TUBGCP3: variants seen among roughly 807,000 people sequenced by gnomAD.
TUBGCP3 encodes the protein tubulin gamma complex component 3.
TUBGCP3 carries 50 observed loss-of-function variants against 123.1 expected under a neutral mutation model. The observed-to-expected ratio is 0.41, with a 90% CI of 0.32 to 0.51. TUBGCP3 has a LOEUF of 0.51. Among genes scored for constraint, TUBGCP3 ranks in the 20% least tolerant of loss-of-function variants. The probability of loss-of-function intolerance (pLI) is 0.36; values close to 1 mark genes in which losing one functional copy is unlikely to be tolerated. For synonymous variants in TUBGCP3, 405 were observed against 413.9 expected (o/e 0.98, Z 0.26); for missense variants, 882 against 1,127.0 (o/e 0.78, Z 3.11).
Position 112,485,988 on chromosome 13 carries a change from G to A in TUBGCP3, c.*5C>T, listed in dbSNP as rs375533236. ...ACCCGCAGCTCCCTGGGAGGACCGCGAGCTTCACGTGTGGGAGCTGCGCCG... is the reference window on the plus strand; with the variant it reads ...ACCCGCAGCTCCCTGGGAGGACCGCAAGCTTCACGTGTGGGAGCTGCGCCG... On this transcript the variant is annotated 3_prime_UTR_variant, in exon 22 of 22. Transcript: ENST00000261965. 5.2e-5 allele frequency: 82 copies of A among 1,583,086 alleles called. No homozygotes were observed. The highest frequency in any genetic ancestry group is 7.0e-5 in the Admixed American group (4 of 56,804).
At position 112,569,138 on chromosome 13, in the gene TUBGCP3, A is replaced by G. The variant is rs1490471434; in HGVS notation, c.184+14T>C. 1 of 1,613,498 alleles carries G rather than the reference A, an allele frequency of 6.2e-7. No homozygotes were observed. The highest frequency in any genetic ancestry group is 1.7e-5 in the Admixed American group (1 of 60,008). On this transcript the variant is annotated intron_variant, in intron 2 of 21. Transcript: ENST00000261965. ...TTAAGAATCCAACACATGACATTTA[A>G]GAAAAATACGTACGCTCTTTCTTGA... is the stretch of plus-strand genomic sequence containing the variant.
At chr13:112,572,678 C>T (rs1412629223) in intron 1 of TUBGCP3, among the ~76,000 whole-genome samples, 1 of 152,178 alleles carries the variant, frequency 6.6e-6, no homozygotes, top group Non-Finnish European at 1.5e-5. Flanking sequence ...TCAGAACATA[C>T]ACAACACTTT....
At chr13:112,567,289 T>C (rs1881024738) in intron 2 of TUBGCP3, among the ~76,000 whole-genome samples, 1 of 152,280 alleles carries the variant, frequency 6.6e-6, no homozygotes, top group African/African-American at 2.4e-5. Flanking sequence ...GAATATCCAC[T>C]GCAACAAAGT....
intron 21 of TUBGCP3, among the ~76,000 whole-genome samples, chr13:112,487,049 GTGTA>G (rs1452197700): frequency 1.2e-4 from 11 of 88,872 alleles, no homozygotes; most frequent in African/African-American, 4.1e-4. Context: ...GGCAAACACT[GTGTA>G]TGTGTGTGTG....
intron 3 of TUBGCP3, among the ~76,000 whole-genome samples, chr13:112,560,417 G>C (rs1009771556): frequency 6.7e-6 from 1 of 148,878 alleles, no homozygotes; most frequent in Non-Finnish European, 1.5e-5. Flanking sequence ...GCGACAGAGC[G>C]AGACTCCGTC....
At position 112,545,761 on chromosome 13, in the gene TUBGCP3, G is replaced by C; in HGVS notation, c.1273C>G (p.Pro425Ala). The change falls in exon 11 of 22, where the codon CCT becomes GCT. Residue 425 changes from proline to alanine, a missense_variant. Physicochemically the swap from Pro to Ala is conservative, Grantham distance 27. This residue lies in a region of TUBGCP3 where 713 missense variants were observed against 874.0 expected (regional missense o/e 0.82). Coordinates refer to ENST00000261965, the MANE Select transcript of TUBGCP3 (RefSeq NM_006322.6). The surrounding 1 kb of genome is among the most constrained non-coding windows in gnomAD (Gnocchi z 4.1). Reference protein sequence around the residue: ...VQHILSLVSHPVLSFLYRWIY... With the variant: ...VQHILSLVSHAVLSFLYRWIY... ...CAGCGGTACAGGAAGCTCAAAACAG[G>C]ATGAGACACGAGGCTGAGGATGTGC... 2 of 1,614,174 alleles carry C rather than the reference G, an allele frequency of 1.2e-6. No individual in the cohort carries two copies. The highest frequency in any genetic ancestry group is 1.7e-6 in the Non-Finnish European group (2 of 1,180,026).
At chr13:112,498,985 T>G in intron 20 of TUBGCP3, 60 bp downstream of exon 20, 2 of 1,614,228 alleles carry the variant, frequency 1.2e-6, no homozygotes, top group Non-Finnish European at 1.7e-6. Flanking sequence ...TTTGAGATTA[T>G]CGTGTGTGGC....
intron 19 of TUBGCP3, among the ~76,000 whole-genome samples, chr13:112,500,362 C>T (rs765326203): frequency 6.6e-6 from 1 of 152,166 alleles, no homozygotes; most frequent in African/African-American, 2.4e-5. Context: ...ATCATTTTAA[C>T]GTCAGGAATA....
chr13:112,541,521 G>A lies in TUBGCP3; in HGVS notation c.1335+4178C>T, dbSNP rs183516861. ...GATACCACTGCATTCCAGCCTCGGC[G>A]GCAGAGCAAGACTCCGTCTCAAAAA... On this transcript the variant is annotated intron_variant, in intron 11 of 21. Coordinates refer to ENST00000261965, the MANE Select transcript of TUBGCP3 (RefSeq NM_006322.6). Among the ~76,000 whole-genome samples the A allele has an allele frequency of 4.1e-3, 603 of 147,434 alleles. 4 individuals are homozygous for A. Among genetic ancestry groups the A allele is most frequent in the African/African-American group, 0.015 (571 of 38,774 alleles).
At chr13:112,540,834 T>C (rs1878463171) in intron 11 of TUBGCP3, among the ~76,000 whole-genome samples, 1 of 152,254 alleles carries the variant, frequency 6.6e-6, no homozygotes, top group Non-Finnish European at 1.5e-5. Context: ...GTGAAAATCT[T>C]TGCCAATGAG....
chr13:112,566,443 C>A (rs553223337), intron 2 of TUBGCP3, among the ~76,000 whole-genome samples: 2 of 152,290 alleles, frequency 1.3e-5, no homozygotes, highest in East Asian at 3.9e-4. Flanking sequence ...TTACAGCCAA[C>A]CCCATATTCT....
At chr13:112,585,754 C>G (rs1882564248) in intron 1 of TUBGCP3, among the ~76,000 whole-genome samples, 1 of 151,742 alleles carries the variant, frequency 6.6e-6, no homozygotes, top group Non-Finnish European at 1.5e-5. Flanking sequence ...GGTGACAGAG[C>G]AAGACTCCAT....
chr13:112,547,038 G>A (rs1363399556), intron 10 of TUBGCP3: 2 of 163,826 alleles, frequency 1.2e-5, no homozygotes, highest in African/African-American at 4.8e-5. Flanking sequence ...GAGGTTCTTG[G>A]CCAAGGTAGC....
intron 11 of TUBGCP3, among the ~76,000 whole-genome samples, chr13:112,539,791 CATT>C (rs1302426985): frequency 6.6e-6 from 1 of 152,194 alleles, no homozygotes; most frequent in African/African-American, 2.4e-5. Flanking sequence ...AGCCTATGAG[CATT>C]CAGGTGGTCT....
chr13:112,583,153 A>G (rs1038226192), intron 1 of TUBGCP3, among the ~76,000 whole-genome samples: 2 of 152,228 alleles, frequency 1.3e-5, no homozygotes, highest in African/African-American at 4.8e-5. Context: ...AATGAGGTTC[A>G]CCATAATTCT....
In TUBGCP3 at chr13:112,499,026, A is replaced by G. The variant is rs1880712062; in HGVS notation, c.2448+19T>C. On this transcript the variant is annotated intron_variant, in intron 20 of 21. Coordinates refer to ENST00000261965, the MANE Select transcript of TUBGCP3 (RefSeq NM_006322.6). ...GTTCATTATTCAAATAGATAAATTC[A>G]CAAGTGTAAAGACCATACCTCAATT... 1.9e-6 allele frequency: 3 copies of G among 1,614,202 alleles called. No individual in the cohort carries two copies. The highest frequency in any genetic ancestry group is 1.6e-4 in the Middle Eastern group (1 of 6,062).
At chr13:112,493,719 G>C (rs1270109012) in intron 20 of TUBGCP3, among the ~76,000 whole-genome samples, 1 of 148,998 alleles carries the variant, frequency 6.7e-6, no homozygotes, top group East Asian at 2.0e-4. Flanking sequence ...TGGTGTCCCT[G>C]AGACACTCTG....
chr13:112,589,118 G>A (rs1366608113), upstream of TUBGCP3, among the ~76,000 whole-genome samples: 1 of 152,160 alleles, frequency 6.6e-6, no homozygotes, highest in Non-Finnish European at 1.5e-5. Context: ...CCAAGGATGC[G>A]ATCACCCCTC....
the TUBGCP3 span, among the ~76,000 whole-genome samples, chr13:112,597,136 T>C: frequency 6.6e-6 from 1 of 152,232 alleles, no homozygotes; most frequent in East Asian, 1.9e-4. Flanking sequence ...TTGGAGTTTA[T>C]GGCATGATAA....
Sources: gnomAD v4.1 joint callset for allele counts (sites outside exome capture counted in the v4.1 genomes callset) on GRCh38, gnomAD v4.1.1 for gene constraint, gnomAD v4.1.1 regional missense constraint, Gnocchi (gnomAD v3.1) non-coding constraint, MANE v1.5 for transcripts, NCBI Gene and HGNC (gene_info 2026-07-23, HGNC 2026-07-21) for gene names.